Variants in PAQR5 observed in about 807,000 individuals in gnomAD.
PAQR5 encodes progestin and adipoQ receptor family member 5.
In PAQR5, 20 loss-of-function variants were observed where a neutral mutation model predicts 34.5. The observed-to-expected ratio is 0.58, with a 90% CI of 0.41 to 0.84. PAQR5 has a LOEUF of 0.84. Ranked by LOEUF, PAQR5 falls within the 40% of genes least tolerant of loss-of-function variation. The pLI, the probability that PAQR5 is intolerant of heterozygous loss-of-function variation, is 0.00. For missense variants in PAQR5, 378 were observed against 412.7 expected, an observed-to-expected ratio of 0.92 and a Z score of 0.73; for synonymous variants, 131 against 155.6, an observed-to-expected ratio of 0.84 and a Z score of 1.18.
chr15:69,348,675 C>T (rs1469411268), intron 2 of PAQR5, among the ~76,000 whole-genome samples: 3 of 152,010 alleles, frequency 2.0e-5, no homozygotes, highest in African/African-American at 7.3e-5. Context: ...TACTAGACTC[C>T]AGAGATGGTA....
chr15:69,359,127 G>A (rs1260200854), intron 2 of PAQR5, among the ~76,000 whole-genome samples: 9 of 152,114 alleles, frequency 5.9e-5, no homozygotes, highest in Non-Finnish European at 1.0e-4. Context: ...TGGTGGAAGG[G>A]GCGAACAAGC....
intron 3 of PAQR5, among the ~76,000 whole-genome samples, chr15:69,367,866 G>T (rs1402242820): frequency 6.6e-6 from 1 of 152,160 alleles, no homozygotes; most frequent in East Asian, 1.9e-4. Flanking sequence ...GGGCCTTTCA[G>T]AGTTGTCCCA....
intron 8 of PAQR5, among the ~76,000 whole-genome samples, chr15:69,401,679 G>T (rs1414817165): frequency 6.6e-6 from 1 of 152,158 alleles, no homozygotes; most frequent in Non-Finnish European, 1.5e-5. Context: ...CCCTCTGGGG[G>T]ACATTTCCTA....
At chr15:69,388,001 C>T (rs536699562) in intron 5 of PAQR5, among the ~76,000 whole-genome samples, 2 of 152,320 alleles carry the variant, frequency 1.3e-5, no homozygotes, top group East Asian at 3.9e-4. Flanking sequence ...AAGATGCTTC[C>T]AATCTGTTTT....
intron 5 of PAQR5, among the ~76,000 whole-genome samples, chr15:69,386,671 G>A (rs891963301): frequency 2.0e-5 from 3 of 148,832 alleles, no homozygotes; most frequent in Non-Finnish European, 4.5e-5. Context: ...TGGCACACAT[G>A]GGTGGGGAGG....
chr15:69,378,264 T>A (rs1280634792), intron 3 of PAQR5, among the ~76,000 whole-genome samples: 2 of 59,684 alleles, frequency 3.4e-5, no homozygotes, highest in African/African-American at 1.7e-4. Context: ...GACTCCATCT[T>A]AAAAAAAAAA....
chr15:69,394,254 G>A (rs2056351492), intron 6 of PAQR5, among the ~76,000 whole-genome samples: 2 of 151,946 alleles, frequency 1.3e-5, no homozygotes. Flanking sequence ...CAGAGGGGTG[G>A]AGCTGACCTG....
In PAQR5 at chr15:69,316,370, C is replaced by T. The variant is rs544312472; in HGVS notation, c.-277+17314C>T. Among the ~76,000 whole-genome samples the T allele has an allele frequency of 4.5e-4, 69 of 152,174 alleles. 1 individual carries two copies. Among genetic ancestry groups the T allele is most frequent in the African/African-American group, 1.5e-3 (64 of 41,534 alleles). ...TTCTGGGATTACAGGCATGAGCCAC[C>T]GTGCCCGGCCATAAGGTTTTAAATA... On this transcript the variant is annotated intron_variant, in intron 1 of 8. Coordinates refer to ENST00000395407, the MANE Select transcript of PAQR5 (RefSeq NM_017705.4).
At chr15:69,354,162 CTAAG>C (rs1236318466) in intron 2 of PAQR5, among the ~76,000 whole-genome samples, 3 of 152,148 alleles carry the variant, frequency 2.0e-5, no homozygotes, top group African/African-American at 7.2e-5. Flanking sequence ...GGCCAACCCA[CTAAG>C]TAAAGAACCA....
Position 69,384,827 on chromosome 15 carries a change from T to C in PAQR5, c.330T>C (p.Asn110=). 1 of 1,614,178 alleles carries C rather than the reference T, an allele frequency of 6.2e-7. No individual in the cohort carries two copies. Among genetic ancestry groups the C allele is most frequent in the Non-Finnish European group, 8.5e-7 (1 of 1,180,010 alleles). Residue 110 remains asparagine (N), a synonymous_variant, in exon 5 of 9, where the codon AAT becomes AAC. Coordinates refer to ENST00000395407, the MANE Select transcript of PAQR5 (RefSeq NM_017705.4). ...CAHTFSSMSK[N]ARHICYFLDY... is the part of the protein sequence containing the mutation. ...ACACCTTCAGCTCTATGTCCAAGAA[T>C]GCCCGGCACATTTGCTACTTCCTGG...
At chr15:69,303,323 C>T (rs552697146) in intron 1 of PAQR5, among the ~76,000 whole-genome samples, 1 of 134,598 alleles carries the variant, frequency 7.4e-6, no homozygotes, top group Non-Finnish European at 1.5e-5. Context: ...TTGGCAAGAA[C>T]CTTCAGGCCA....
In PAQR5 at chr15:69,394,101, G is replaced by GT. The variant is rs549479900; in HGVS notation, c.513-3357dup. ...CTTCCAGTGCATCCAACCATTGATT[G>GT]TTTTTTTTTTGTTTTTTGTTTTTTT... is the stretch of plus-strand genomic sequence containing the variant. On this transcript the variant is annotated intron_variant, in intron 6 of 8. Transcript: ENST00000395407. Among the ~76,000 whole-genome samples the GT allele has an allele frequency of 6.4e-3, 894 of 138,622 alleles. 2 individuals are homozygous for GT. Among genetic ancestry groups the GT allele is most frequent in the Non-Finnish European group, 8.3e-3 (537 of 64,800 alleles). 90.9% of individuals were successfully genotyped at this position (138,622 alleles called of 152,430 possible).
chr15:69,382,659 CATATATATATATATATATATATATATAT>C lies in PAQR5; in HGVS notation c.180-1999_180-1972del, dbSNP rs59064870. 9.9e-5 allele frequency among the ~76,000 whole-genome samples: 9 copies of C among 91,268 alleles called. 1 individual carries two copies. Among genetic ancestry groups the C allele is most frequent in the Admixed American group, 3.9e-4 (3 of 7,604 alleles). 59.9% of individuals were successfully genotyped at this position (91,268 alleles called of 152,430 possible). ...ACTCTGTCTCAAAAAAAAAAAAAAG[CATATATATATATATATATATATATATAT>C]ATATATATATATATATATGTATGTA... On this transcript the variant is annotated intron_variant, in intron 4 of 8. Transcript: ENST00000395407.
rs372848000 is a variant in PAQR5, at chr15:69,314,442, C to T, written c.-277+15386C>T. 7 of 152,320 alleles carry T rather than the reference C, an allele frequency of 4.6e-5. No individual in the cohort carries two copies. In the East Asian group the frequency reaches 1.2e-3, roughly 25 times the overall value. 9.4% of individuals were successfully genotyped at this position (152,320 alleles called of 1,614,324 possible). A position where few individuals can be genotyped will look rare whatever the true frequency, so the allele number is the denominator to read the frequency against. On this transcript the variant is annotated intron_variant, in intron 1 of 8. Coordinates refer to ENST00000395407, the MANE Select transcript of PAQR5 (RefSeq NM_017705.4). Reference sequence around the variant, plus strand: ...ATGGCCTCTGGACCCGCGATCAGCTCGCTGTGTGGTCCTGAGCAGCCACCC... The same window carrying T: ...ATGGCCTCTGGACCCGCGATCAGCTTGCTGTGTGGTCCTGAGCAGCCACCC...
Position 69,403,858 on chromosome 15 carries a change from T to C in PAQR5, c.*36T>C, listed in dbSNP as rs764974054. 2.5e-6 allele frequency: 4 copies of C among 1,604,980 alleles called. No individual in the cohort carries two copies. The African/African-American group carries it at 5.4e-5, about 22-fold the overall frequency. ...AAGCTTTTCATGCCAGATGTCAACA[T>C]TAAGCTGCAACATCCTAACCACCAT... On this transcript the variant is annotated 3_prime_UTR_variant, in exon 9 of 9. Coordinates refer to ENST00000395407, the MANE Select transcript of PAQR5 (RefSeq NM_017705.4).
intron 2 of PAQR5, among the ~76,000 whole-genome samples, chr15:69,348,400 A>C (rs1281951291): frequency 6.6e-6 from 1 of 152,222 alleles, no homozygotes; most frequent in Non-Finnish European, 1.5e-5. Context: ...ACGGTGAAGC[A>C]GTCTTTGAAC....
At position 69,385,932 on chromosome 15, in the gene PAQR5, CACAT is replaced by C. The variant is rs2056094738; in HGVS notation, c.385+1054_385+1057del. On this transcript the variant is annotated intron_variant, in intron 5 of 8. Coordinates refer to ENST00000395407, the MANE Select transcript of PAQR5 (RefSeq NM_017705.4). This position sits in a 1 kb window ranked among gnomAD's most constrained non-coding sequence, Gnocchi z 4.7. ...TACACTCACATACACACACTCACAC[CACAT>C]ACACACAATACACTCACATGCACAC... 6.6e-6 allele frequency among the ~76,000 whole-genome samples: 1 copy of C among 151,292 alleles called. No individual in the cohort carries two copies. The highest frequency in any genetic ancestry group is 2.4e-5 in the African/African-American group (1 of 41,134).
chr15:69,338,188 C>A (rs1199647652), intron 2 of PAQR5, among the ~76,000 whole-genome samples: 2 of 152,102 alleles, frequency 1.3e-5, no homozygotes, highest in Non-Finnish European at 2.9e-5. Context: ...GACAAGAAGC[C>A]CCTCCTAATG....
At chr15:69,360,160 A>G (rs1025838553) in intron 3 of PAQR5, 29 bp downstream of exon 3, 1 of 1,581,820 alleles carries the variant, frequency 6.3e-7, no homozygotes. Flanking sequence ...ATGATGGTTC[A>G]TTTCCAGAGT....
Sources: allele counts gnomAD v4.1 joint callset (sites outside exome capture counted in the v4.1 genomes callset), GRCh38; gene constraint gnomAD v4.1.1; non-coding constraint Gnocchi (gnomAD v3.1); transcripts MANE v1.5; gene names NCBI Gene and HGNC (gene_info 2026-07-23, HGNC 2026-07-21).